The following IL17RA variants were observed in gnomAD, a reference collection of about 807,000 sequenced individuals.
IL17RA encodes interleukin-17 receptor A.
IL17RA carries 34 observed loss-of-function variants against 50.4 expected under a neutral mutation model. The ratio of observed to expected loss-of-function variants is 0.67; its 90% CI spans 0.51 to 0.90. The LOEUF (loss-of-function observed/expected upper bound fraction) is 0.90. Ranked by LOEUF, IL17RA falls within the 40% of genes least tolerant of loss-of-function variation. The pLI is 0.00. For missense variants in IL17RA, 1,276 were observed against 1,169.8 expected (o/e 1.09, Z -1.32); for synonymous variants, 585 against 510.4 (o/e 1.15, Z -1.97).
At position 17,094,781 on chromosome 22, in the gene IL17RA, T is replaced by C. The variant is rs190665370; in HGVS notation, c.139-2281T>C. ...TTGGGATCATACTATAAAAAGTTAT[T>C]TGAAACTTATTTTCCTCTCTCATCA... On this transcript the variant is annotated intron_variant, in intron 1 of 12. Transcript: ENST00000319363. 2.5e-3 allele frequency among the ~76,000 whole-genome samples: 368 copies of C among 145,250 alleles called. 2 individuals are homozygous for C. The highest frequency in any genetic ancestry group is 9.0e-3 in the African/African-American group (354 of 39,130).
In IL17RA at chr22:17,097,931, C is replaced by G. The variant is rs1243791728; in HGVS notation, c.298C>G (p.Leu100Val). ...LFPVAHIEWT[L>V]QTDASILYLE... ...CCCCGTGGCTCACATCGAATGGACA[C>G]TGCAGACAGACGGTGAGTGGGCATG... The change falls in exon 3 of 13, where the codon CTG becomes GTG. Residue 100 changes from leucine (L) to valine (V), a missense_variant. Physicochemically the swap from Leu to Val is conservative, Grantham distance 32 (BLOSUM62 1). Transcript: ENST00000319363. 4 of 1,614,160 alleles carry G rather than the reference C, an allele frequency of 2.5e-6. No homozygotes were observed. The African/African-American group carries it at 5.3e-5, about 22-fold the overall frequency.
intron 1 of IL17RA, among the ~76,000 whole-genome samples, chr22:17,091,941 C>T (rs1204258458): frequency 6.6e-6 from 1 of 152,132 alleles, no homozygotes; most frequent in Non-Finnish European, 1.5e-5. Context: ...TTAGAATCTC[C>T]AAAATTGTAT....
chr22:17,100,021 G>A (rs775264946), intron 4 of IL17RA, among the ~76,000 whole-genome samples: 6 of 151,936 alleles, frequency 3.9e-5, no homozygotes, highest in African/African-American at 4.8e-5. Context: ...CCCTGGCTCC[G>A]CCCTCTCATA....
In IL17RA at chr22:17,100,567, T is replaced by C. The variant is rs2061387383; in HGVS notation, c.550+86T>C. 2.6e-6 allele frequency: 4 copies of C among 1,537,784 alleles called. No individual in the cohort carries two copies. In the East Asian group the frequency reaches 9.0e-5, roughly 35 times the overall value. On this transcript the variant is annotated intron_variant, in intron 5 of 12. Transcript: ENST00000319363. ...GTGGCACAGATGCCAGCCCCCCTGC[T>C]CAGCAAGACATTGGCTGGCATTGCC...
At position 17,097,072 on chromosome 22, in the gene IL17RA, G is replaced by A. The variant is rs751909044; in HGVS notation, c.149G>A (p.Cys50Tyr). 1.2e-6 allele frequency: 2 copies of A among 1,613,638 alleles called. No individual in the cohort carries two copies. Among genetic ancestry groups the A allele is most frequent in the South Asian group, 1.1e-5 (1 of 91,072 alleles). Residue 50 changes from cysteine to tyrosine, a missense_variant, in exon 2 of 13, where the codon TGC becomes TAC. Cys to Tyr is a radical substitution (Grantham distance 194, BLOSUM62 -2). Transcript: ENST00000319363. ...CTCTTTTTTCCACAGGGGCTAAACT[G>A]CACGGTCAAGAATAGTAAGTCATCT... ...ALVCSQPGLN[C>Y]TVKNSTCLDD...
Position 17,109,607 on chromosome 22 carries a change from C to T in IL17RA, c.2388C>T (p.Tyr796=). 6.2e-7 allele frequency: 1 copy of T among 1,605,280 alleles called. No homozygotes were observed. The highest frequency in any genetic ancestry group is 1.1e-5 in the South Asian group (1 of 89,808). Reference sequence around the variant, plus strand: ...AGTCAGTGCAGTCTGACCAGGGCTACATCTCCAGGAGCTCCCCGCAGCCCC... The same window carrying T: ...AGTCAGTGCAGTCTGACCAGGGCTATATCTCCAGGAGCTCCCCGCAGCCCC... The part of the protein sequence containing the change: ...QRQSVQSDQG[Y]ISRSSPQPPE... The change falls in exon 13 of 13, where the codon TAC becomes TAT. Residue 796 remains tyrosine, a synonymous_variant. Coordinates refer to ENST00000319363, the MANE Select transcript of IL17RA (RefSeq NM_014339.7).
At chr22:17,089,266 T>C (rs1188609286) in intron 1 of IL17RA, among the ~76,000 whole-genome samples, 1 of 152,158 alleles carries the variant, frequency 6.6e-6, no homozygotes, top group Non-Finnish European at 1.5e-5. Context: ...ATTAAGATCA[T>C]GTATTCTGGA....
Position 17,085,078 on chromosome 22 carries a change from A to C in IL17RA, c.-14A>C. The C allele has an allele frequency of 2.3e-6, 3 of 1,305,258 alleles. No individual in the cohort carries two copies. Among genetic ancestry groups the C allele is most frequent in the Non-Finnish European group, 9.7e-7 (1 of 1,027,142 alleles). The allele number at this position is 1,305,258 out of a possible 1,614,324, so 80.9% of individuals were successfully genotyped here. On this transcript the variant is annotated 5_prime_UTR_variant, in exon 1 of 13. Transcript: ENST00000319363. ...CCCAGCCGGGGCCGAGCCCTCCGCGACGCCAGCCGGGCCATGGGGGCCGCA... is the reference window on the plus strand; with the variant it reads ...CCCAGCCGGGGCCGAGCCCTCCGCGCCGCCAGCCGGGCCATGGGGGCCGCA...
At chr22:17,106,725 C>T (rs968454426) in intron 11 of IL17RA, among the ~76,000 whole-genome samples, 1 of 152,128 alleles carries the variant, frequency 6.6e-6, no homozygotes, top group African/African-American at 2.4e-5. Context: ...AGGTGTTAAT[C>T]ATTATTAATT....
intron 1 of IL17RA, among the ~76,000 whole-genome samples, chr22:17,094,718 T>TA (rs1228649948): frequency 4.3e-5 from 5 of 116,276 alleles, no homozygotes; most frequent in East Asian, 4.7e-4. Flanking sequence ...TATATATATA[T>TA]TCAGGGAGAT....
At chr22:17,086,559 C>T (rs1475982073) in intron 1 of IL17RA, among the ~76,000 whole-genome samples, 1 of 152,002 alleles carries the variant, frequency 6.6e-6, no homozygotes, top group Non-Finnish European at 1.5e-5. Flanking sequence ...GAGTACAGGG[C>T]GCCATACTGG....
Position 17,110,191 on chromosome 22 carries a change from G to A in IL17RA, c.*371G>A, listed in dbSNP as rs888993359. On this transcript the variant is annotated 3_prime_UTR_variant, in exon 13 of 13. Transcript: ENST00000319363. The stretch of plus-strand genomic sequence containing the variant: ...ATGAAGGAACTTAACCGCTAGTGCC[G>A]AGGACACGTTAAACGAACAGGATGG... The A allele has an allele frequency of 3.2e-5, 11 of 344,180 alleles. No individual in the cohort carries two copies. Among genetic ancestry groups the A allele is most frequent in the South Asian group, 1.2e-4 (5 of 42,526 alleles). The allele number at this position is 344,180 out of a possible 1,614,324, so 21.3% of individuals were successfully genotyped here. A position where few individuals can be genotyped will look rare whatever the true frequency, so the allele number is the denominator to read the frequency against.
intron 1 of IL17RA, among the ~76,000 whole-genome samples, chr22:17,090,926 A>G (rs1455627633): frequency 6.6e-6 from 1 of 152,156 alleles, no homozygotes. Context: ...CAGACTTGTC[A>G]TATCATTTCC....
Position 17,108,732 on chromosome 22 carries a change from A to C in IL17RA, c.1513A>C (p.Ser505Arg). 4 of 1,611,778 alleles carry C rather than the reference A, an allele frequency of 2.5e-6. No individual in the cohort carries two copies. The highest frequency in any genetic ancestry group is 3.4e-6 in the Non-Finnish European group (4 of 1,179,794). ...CGGCACCTACGTAGTCTGCTACTTCAGCGAGGTCAGCTGTGACGGCGACGT... is the reference window on the plus strand; with the variant it reads ...CGGCACCTACGTAGTCTGCTACTTCCGCGAGGTCAGCTGTGACGGCGACGT... ...CFGTYVVCYF[S>R]EVSCDGDVPD... is the part of the protein sequence containing the mutation. The change falls in exon 13 of 13, where the codon AGC becomes CGC. Residue 505 changes from serine to arginine, a missense_variant. Transcript: ENST00000319363.
chr22:17,088,129 G>A (rs1457209785), intron 1 of IL17RA, among the ~76,000 whole-genome samples: 5 of 152,112 alleles, frequency 3.3e-5, no homozygotes, highest in Non-Finnish European at 7.4e-5. Context: ...GCCCAAGGTC[G>A]CACAGCTAAT....
chr22:17,096,310 T>A (rs2061367868), intron 1 of IL17RA, among the ~76,000 whole-genome samples: 1 of 152,166 alleles, frequency 6.6e-6, no homozygotes. Flanking sequence ...GGGCTGAGGA[T>A]AATACCTCGT....
In IL17RA at chr22:17,109,734, C is replaced by T; in HGVS notation, c.2515C>T (p.Leu839Phe). ...SPEDLESLRS[L>F]QRQLLFRQLQ... ...CGAGGACCTGGAGAGCCTGAGGAGC[C>T]TCCAGCGGCAGCTGCTTTTCCGCCA... is the stretch of plus-strand genomic sequence containing the variant. The change falls in exon 13 of 13, where the codon CTC becomes TTC. Residue 839 changes from leucine (L) to phenylalanine (F), a missense_variant. Coordinates refer to ENST00000319363, the MANE Select transcript of IL17RA (RefSeq NM_014339.7). The T allele has an allele frequency of 6.4e-7, 1 of 1,570,554 alleles. No homozygotes were observed. The highest frequency in any genetic ancestry group is 1.3e-5 in the African/African-American group (1 of 74,256).
At chr22:17,097,171 A>T (rs2061371361) in intron 2 of IL17RA, 85 bp downstream of exon 2, 1 of 1,311,730 alleles carries the variant, frequency 7.6e-7, no homozygotes, top group Non-Finnish European at 1.1e-6. Flanking sequence ...AAGTCTTGCC[A>T]TGCCACTCCA....
intron 5 of IL17RA, among the ~76,000 whole-genome samples, chr22:17,101,431 C>T (rs918477986): frequency 6.6e-6 from 1 of 152,210 alleles, no homozygotes; most frequent in Admixed American, 6.5e-5. Flanking sequence ...CTGACTGGTA[C>T]TGCATGCTGT....
Sources: gnomAD v4.1 joint callset for allele counts (sites outside exome capture counted in the v4.1 genomes callset) on GRCh38, gnomAD v4.1.1 for gene constraint, MANE v1.5 for transcripts, NCBI Gene and HGNC (gene_info 2026-07-23, HGNC 2026-07-21) for gene names.